The following RBFOX3 variants were observed in gnomAD, a reference collection of about 807,000 sequenced individuals.
The protein encoded by RBFOX3 is RNA binding fox-1 homolog 3.
In RBFOX3, 17 loss-of-function variants were observed where a neutral mutation model predicts 48.7. The observed-to-expected ratio is 0.35, with a 90% CI of 0.24 to 0.52. The LOEUF (loss-of-function observed/expected upper bound fraction) is 0.52, where lower values mean the gene tolerates loss of function less well. Among genes scored for constraint, RBFOX3 ranks in the 20% least tolerant of loss-of-function variants. The pLI is 0.94. For synonymous variants in RBFOX3, 212 were observed against 209.5 expected (o/e 1.01, Z -0.10); for missense variants, 382 against 497.5 (o/e 0.77, Z 2.21).
intron 2 of RBFOX3, among the ~76,000 whole-genome samples, chr17:79,315,249 C>A (rs1022267725): frequency 6.6e-6 from 1 of 152,196 alleles, no homozygotes; most frequent in African/African-American, 2.4e-5. Flanking sequence ...CATTTCATCC[C>A]TAGTGATGGC....
intron 2 of RBFOX3, among the ~76,000 whole-genome samples, chr17:79,410,305 GTTTCAGGCTGGT>G (rs1330485108): frequency 6.6e-6 from 1 of 152,234 alleles, no homozygotes; most frequent in Non-Finnish European, 1.5e-5. Context: ...ACCCTGCTGC[GTTTCAGGCTGGT>G]TCTCGTCTCC....
chr17:79,467,701 G>A (rs931795459), intron 2 of RBFOX3, among the ~76,000 whole-genome samples: 36 of 152,286 alleles, frequency 2.4e-4, no homozygotes, highest in Non-Finnish European at 1.8e-4. Context: ...TCCCTGGAAC[G>A]TGTGCCCCAC....
rs1047858060 is a variant in RBFOX3 at position 79,204,450 on chromosome 17, C to T, written c.-34+31316G>A. The stretch of plus-strand genomic sequence containing the variant: ...GGCTTAATATCCTGGAAAGGACACG[C>T]GTACCAGTCCAGTGAACAGCTCCTT... On this transcript the variant is annotated intron_variant, in intron 4 of 14. Transcript: ENST00000693108. The surrounding 1 kb of genome is among the most constrained non-coding windows in gnomAD (Gnocchi z 4.5). Among the ~76,000 whole-genome samples the T allele has an allele frequency of 2.6e-5, 4 of 152,158 alleles. No homozygotes were observed. The highest frequency in any genetic ancestry group is 4.8e-5 in the African/African-American group (2 of 41,426).
At chr17:79,328,998 C>T (rs2079781433) in intron 2 of RBFOX3, among the ~76,000 whole-genome samples, 1 of 152,008 alleles carries the variant, frequency 6.6e-6, no homozygotes, top group African/African-American at 2.4e-5. Context: ...GGGCTGAAGG[C>T]AGAGGGGAAG....
intron 14 of RBFOX3, among the ~76,000 whole-genome samples, chr17:79,093,004 G>A (rs2074279481): frequency 6.6e-6 from 1 of 152,144 alleles, no homozygotes; most frequent in Non-Finnish European, 1.5e-5. Flanking sequence ...CCAGCAGGGT[G>A]GCACGGGGCA....
chr17:79,462,383 A>G (rs2075486549), intron 2 of RBFOX3, among the ~76,000 whole-genome samples: 1 of 152,252 alleles, frequency 6.6e-6, no homozygotes, highest in South Asian at 2.1e-4. Flanking sequence ...ATGATTAAAA[A>G]GAAAAGTCAT....
intron 3 of RBFOX3, among the ~76,000 whole-genome samples, chr17:79,236,688 A>G (rs2061676688): frequency 6.6e-6 from 1 of 152,224 alleles, no homozygotes; most frequent in Non-Finnish European, 1.5e-5. Context: ...AGTGATACGG[A>G]CAGACTGGCA....
At chr17:79,518,279 C>G (rs1318732456) in intron 1 of RBFOX3, among the ~76,000 whole-genome samples, 1 of 152,218 alleles carries the variant, frequency 6.6e-6, no homozygotes, top group Admixed American at 6.5e-5. Context: ...CGAGACATGG[C>G]AGTGAAAGTG....
chr17:79,554,635 C>T (rs1430561275), intron 1 of RBFOX3, among the ~76,000 whole-genome samples: 1 of 152,274 alleles, frequency 6.6e-6, no homozygotes, highest in African/African-American at 2.4e-5. Flanking sequence ...ACGTCCTGCT[C>T]AGTTCTGGAT....
the RBFOX3 span, among the ~76,000 whole-genome samples, chr17:79,639,951 C>T: frequency 3.3e-5 from 5 of 152,078 alleles, no homozygotes; most frequent in East Asian, 3.9e-4. Flanking sequence ...TTCTATTCAA[C>T]GTAGTACAGG....
At chr17:79,292,563 T>C (rs1171370920) in intron 3 of RBFOX3, among the ~76,000 whole-genome samples, 1 of 146,772 alleles carries the variant, frequency 6.8e-6, no homozygotes, top group Non-Finnish European at 1.5e-5. Context: ...CAGTTGGCAC[T>C]GTACACACAC....
intron 1 of RBFOX3, among the ~76,000 whole-genome samples, chr17:79,499,256 C>A (rs1904404907): frequency 6.6e-6 from 1 of 151,804 alleles, no homozygotes; most frequent in African/African-American, 2.4e-5. Context: ...ATCCATTCAC[C>A]TGCCCATCCA....
In RBFOX3 at chr17:79,362,619, C is replaced by T. The variant is rs992157563; in HGVS notation, c.-174-54795G>A. ...GAGGCCTCTTTGCAAAGCTTGAATA[C>T]CTGGCGCCCCAGGAAAATGAGAGCC... On this transcript the variant is annotated intron_variant, in intron 2 of 14. Coordinates refer to ENST00000693108, the MANE Select transcript of RBFOX3 (RefSeq NM_001350451.2). This position sits in a 1 kb window ranked among gnomAD's most constrained non-coding sequence, Gnocchi z 4.2. 1.3e-5 allele frequency among the ~76,000 whole-genome samples: 2 copies of T among 152,206 alleles called. No individual in the cohort carries two copies. The highest frequency in any genetic ancestry group is 2.9e-5 in the Non-Finnish European group (2 of 68,026).
rs1388192398 is a variant in RBFOX3, at chr17:79,391,931, C to T, written c.-174-84107G>A. The stretch of plus-strand genomic sequence containing the variant: ...TCCCGGTTCTGAAGCTCACAGGTCG[C>T]GGGTTTGCTGAGAAGGCACGTGCTC... On this transcript the variant is annotated intron_variant, in intron 2 of 14. Transcript: ENST00000693108. This position sits in a 1 kb window ranked among gnomAD's most constrained non-coding sequence, Gnocchi z 5.0. 3.3e-5 allele frequency among the ~76,000 whole-genome samples: 5 copies of T among 152,070 alleles called. No individual in the cohort carries two copies. The highest frequency in any genetic ancestry group is 1.2e-4 in the African/African-American group (5 of 41,408).
intron 2 of RBFOX3, among the ~76,000 whole-genome samples, chr17:79,453,162 C>A (rs1258691213): frequency 6.6e-6 from 1 of 152,242 alleles, no homozygotes; most frequent in Admixed American, 6.5e-5. Context: ...TGCTAATAGC[C>A]GTGTCATTCT....
chr17:79,161,698 C>A (rs1029451869), intron 4 of RBFOX3, among the ~76,000 whole-genome samples: 2 of 152,178 alleles, frequency 1.3e-5, no homozygotes, highest in African/African-American at 4.8e-5. Context: ...CGGGTTCAAG[C>A]GATTCTCCTG....
intron 1 of RBFOX3, among the ~76,000 whole-genome samples, chr17:79,596,271 C>T (rs1486722264): frequency 6.6e-6 from 1 of 152,208 alleles, no homozygotes; most frequent in Non-Finnish European, 1.5e-5. Flanking sequence ...CCCAACTGAA[C>T]CCTCAGGGCA....
chr17:79,492,480 A>G (rs1323291046), intron 1 of RBFOX3, among the ~76,000 whole-genome samples: 1 of 152,224 alleles, frequency 6.6e-6, no homozygotes, highest in Admixed American at 6.5e-5. Flanking sequence ...CAGAGAGGCC[A>G]CCTGGAGAGG....
At chr17:79,138,036 C>T (rs1210310326) in intron 4 of RBFOX3, among the ~76,000 whole-genome samples, 1 of 152,210 alleles carries the variant, frequency 6.6e-6, no homozygotes, top group East Asian at 1.9e-4. Flanking sequence ...CCGCCAAGCA[C>T]TGTCTCCGTC....
Sources: gnomAD v4.1 joint callset for allele counts (sites outside exome capture counted in the v4.1 genomes callset) on GRCh38, gnomAD v4.1.1 for gene constraint, Gnocchi (gnomAD v3.1) non-coding constraint, MANE v1.5 for transcripts, NCBI Gene and HGNC (gene_info 2026-07-23, HGNC 2026-07-21) for gene names.